The following NCOR2 variants were observed in gnomAD, a reference collection of about 807,000 sequenced individuals.
The protein encoded by NCOR2 is CTG repeat protein 26.
A neutral mutation model predicts 262.9 loss-of-function variants in NCOR2; 81 were observed. That is an observed-to-expected ratio of 0.31 (90% confidence interval 0.26 to 0.37). The LOEUF is 0.37. NCOR2 is among the 10% of genes least tolerant of loss of function. NCOR2 has a pLI of 1.00. For missense variants in NCOR2, 3,385 were observed against 3,621.4 expected, an observed-to-expected ratio of 0.93 and a Z score of 1.68; for synonymous variants, 1,659 against 1,559.3, an observed-to-expected ratio of 1.06 and a Z score of -1.51.
intron 1 of NCOR2, among the ~76,000 whole-genome samples, chr12:124,501,062 G>GCACGCGCACACA (rs1164232439): frequency 6.8e-6 from 1 of 147,810 alleles, no homozygotes; most frequent in African/African-American, 2.5e-5. Flanking sequence ...GCGCACGCGC[G>GCACGCGCACACA]CACACACACA....
Position 124,523,328 on chromosome 12 carries a change from G to A in NCOR2, c.-118+12237C>T, listed in dbSNP as rs973753376. ...ACTGGCAAGGACGGCTGGGGGCAGG[G>A]GGCAGGTGGCTGCCTGTTCTGGGGC... On this transcript the variant is annotated intron_variant, in intron 1 of 46. Transcript: ENST00000404621. This position sits in a 1 kb window ranked among gnomAD's most constrained non-coding sequence, Gnocchi z 4.0. 6.6e-6 allele frequency among the ~76,000 whole-genome samples: 1 copy of A among 152,184 alleles called. No individual in the cohort carries two copies. The highest frequency in any genetic ancestry group is 2.4e-5 in the African/African-American group (1 of 41,434).
intron 16 of NCOR2, among the ~76,000 whole-genome samples, chr12:124,393,703 C>A (rs1173444756): frequency 6.6e-6 from 1 of 152,270 alleles, no homozygotes; most frequent in East Asian, 1.9e-4. Flanking sequence ...CCCAGCTCTA[C>A]CACTTCACAG....
intron 5 of NCOR2, among the ~76,000 whole-genome samples, chr12:124,465,775 T>G (rs1331061877): frequency 1.3e-5 from 2 of 152,204 alleles, no homozygotes; most frequent in Non-Finnish European, 2.9e-5. Context: ...GGCTGCTCCA[T>G]GAAACCTCAC....
intron 3 of NCOR2, among the ~76,000 whole-genome samples, chr12:124,475,952 G>A (rs895273252): frequency 6.6e-6 from 1 of 152,222 alleles, no homozygotes; most frequent in African/African-American, 2.4e-5. Context: ...CGCCAAAGCA[G>A]CACCCCTTCC....
chr12:124,512,539 G>A (rs1332752781), intron 1 of NCOR2, among the ~76,000 whole-genome samples: 1 of 152,206 alleles, frequency 6.6e-6, no homozygotes. Context: ...GTCTCTCTCT[G>A]ACAGGGGCTG....
At position 124,362,302 on chromosome 12, in the gene NCOR2, G is replaced by A; in HGVS notation, c.2929-5C>T. 7.6e-7 allele frequency: 1 copy of A among 1,321,754 alleles called. No individual in the cohort carries two copies. Among genetic ancestry groups the A allele is most frequent in the Non-Finnish European group, 9.7e-7 (1 of 1,035,084 alleles). The allele number at this position is 1,321,754 out of a possible 1,614,324, so 81.9% of individuals were successfully genotyped here. A position where few individuals can be genotyped will look rare whatever the true frequency, so the allele number is the denominator to read the frequency against. ...CTCATGGACTTTGGTGACCTGCTGAGGGAAGCAGGCAGAAGTGAGCATTCA... is the reference window on the plus strand; with the variant it reads ...CTCATGGACTTTGGTGACCTGCTGAAGGAAGCAGGCAGAAGTGAGCATTCA... On this transcript the variant is annotated splice_polypyrimidine_tract_variant and splice_region_variant and intron_variant, in intron 21 of 46. Coordinates refer to ENST00000405201, the Ensembl canonical transcript of NCOR2.
intron 31 of NCOR2, among the ~76,000 whole-genome samples, chr12:124,345,425 T>A (rs1262126570): frequency 6.6e-6 from 1 of 151,990 alleles, no homozygotes; most frequent in African/African-American, 2.4e-5. Flanking sequence ...GGCTGAGGTG[T>A]TTGCCCTCCA....
intron 22 of NCOR2, among the ~76,000 whole-genome samples, chr12:124,359,792 C>T (rs541864453): frequency 2.0e-5 from 3 of 152,332 alleles, no homozygotes; most frequent in East Asian, 1.9e-4. Context: ...CAGGGGGCCC[C>T]GAGGGACCTG....
intron 6 of NCOR2, among the ~76,000 whole-genome samples, chr12:124,450,837 A>T (rs1165018512): frequency 2.0e-5 from 3 of 152,230 alleles, no homozygotes; most frequent in African/African-American, 7.2e-5. Context: ...GAAGTTACTT[A>T]TTCCATCTGT....
At chr12:124,444,857 T>G (rs2045041589) in intron 7 of NCOR2, among the ~76,000 whole-genome samples, 2 of 151,772 alleles carry the variant, frequency 1.3e-5, no homozygotes, top group Admixed American at 6.6e-5. Flanking sequence ...GGGCCTGGAG[T>G]AGAGACCCAG....
chr12:124,554,022 A>G (rs114748956), intron 1 of NCOR2, among the ~76,000 whole-genome samples: 2 of 152,260 alleles, frequency 1.3e-5, no homozygotes, highest in South Asian at 2.1e-4. Flanking sequence ...CCTGGTGACT[A>G]CGCTCTCACA....
chr12:124,565,947 AGCCTGCCCCGGGTC>A (rs1290077350), intron 1 of NCOR2, among the ~76,000 whole-genome samples: 4 of 152,100 alleles, frequency 2.6e-5, no homozygotes, highest in Admixed American at 1.3e-4. Flanking sequence ...CGAGGTACAC[AGCCTGCCCCGGGTC>A]GCCCTCCCGG....
chr12:124,384,047 G>C lies in NCOR2; in HGVS notation c.2019+1698C>G, dbSNP rs897370336. ...AGGGAGCCCCAGAGAGGGGAGGCGGGGGGAGGAGAGAGAAAGTGAAAGGAC... is the reference window on the plus strand; with the variant it reads ...AGGGAGCCCCAGAGAGGGGAGGCGGCGGGAGGAGAGAGAAAGTGAAAGGAC... On this transcript the variant is annotated intron_variant, in intron 17 of 46. Transcript: ENST00000405201. Among the ~76,000 whole-genome samples, 17 of 151,938 alleles carry C rather than the reference G, an allele frequency of 1.1e-4. No individual in the cohort carries two copies. The South Asian group carries it at 1.7e-3, about 15-fold the overall frequency.
At chr12:124,491,115 G>A (rs543020033) in intron 1 of NCOR2, among the ~76,000 whole-genome samples, 3 of 152,326 alleles carry the variant, frequency 2.0e-5, no homozygotes, top group East Asian at 1.9e-4. Context: ...CACACCATAC[G>A]GGCCGCGAAG....
chr12:124,356,680 T>C (rs776161756), exon 23 of NCOR2: 1 of 1,468,032 alleles, frequency 6.8e-7, no homozygotes, highest in Non-Finnish European at 9.0e-7. Context: ...GTCCGGGGCA[T>C]GCGGGGAGGC....
chr12:124,467,105 C>T (rs1220815235), intron 4 of NCOR2, among the ~76,000 whole-genome samples: 1 of 129,388 alleles, frequency 7.7e-6, no homozygotes, highest in African/African-American at 3.1e-5. Flanking sequence ...TCATCATCCT[C>T]GTCATCCTCA....
At chr12:124,394,287 G>A (rs2041514810) in intron 16 of NCOR2, among the ~76,000 whole-genome samples, 1 of 152,222 alleles carries the variant, frequency 6.6e-6, no homozygotes, top group Non-Finnish European at 1.5e-5. Flanking sequence ...TGGTAACTGA[G>A]GGTGAAACAG....
In NCOR2 at chr12:124,503,950, C is replaced by T. The variant is rs960155653; in HGVS notation, c.-117-8582G>A. ...CAGCTCCATGAGGGACACAGAAAGG[C>T]ACTGTCGCCTTCAGGAACCCCCAAA... On this transcript the variant is annotated intron_variant, in intron 1 of 46. Transcript: ENST00000404621. The surrounding 1 kb of genome is among the most constrained non-coding windows in gnomAD (Gnocchi z 4.3). 6.6e-6 allele frequency among the ~76,000 whole-genome samples: 1 copy of T among 152,170 alleles called. No homozygotes were observed. The highest frequency in any genetic ancestry group is 2.4e-5 in the African/African-American group (1 of 41,420).
intron 11 of NCOR2, among the ~76,000 whole-genome samples, chr12:124,424,071 C>T (rs938926255): frequency 8.5e-5 from 13 of 152,268 alleles, no homozygotes; most frequent in African/African-American, 1.4e-4. Flanking sequence ...CCCCACGGGC[C>T]GGCAGATAGC....
Sources: gnomAD v4.1 joint callset for allele counts (sites outside exome capture counted in the v4.1 genomes callset) on GRCh38, gnomAD v4.1.1 for gene constraint, Gnocchi (gnomAD v3.1) non-coding constraint, MANE v1.5 for transcripts, NCBI Gene and HGNC (gene_info 2026-07-23, HGNC 2026-07-21) for gene names.